The following CTNNA3 variants were observed in gnomAD, a reference collection of about 807,000 sequenced individuals.
CTNNA3 encodes the protein catenin alpha-3.
CTNNA3 carries 76 observed loss-of-function variants against 95.7 expected under a neutral mutation model. The ratio of observed to expected loss-of-function variants is 0.79; its 90% CI spans 0.66 to 0.96. CTNNA3 has a LOEUF of 0.96. CTNNA3 is among the 40% of genes least tolerant of loss of function. The pLI is 0.00. For missense variants in CTNNA3, 1,191 were observed against 1,089.8 expected (o/e 1.09, Z -1.31); for synonymous variants, 431 against 374.4 (o/e 1.15, Z -1.74).
intron 3 of CTNNA3, among the ~76,000 whole-genome samples, chr10:67,584,625 G>C (rs1009695264): frequency 6.6e-6 from 1 of 152,346 alleles, no homozygotes; most frequent in South Asian, 2.1e-4. Flanking sequence ...GTCTGCAGAA[G>C]TTTCTGCTGC....
At chr10:66,464,057 T>C (rs1240276067) in intron 11 of CTNNA3, among the ~76,000 whole-genome samples, 1 of 152,142 alleles carries the variant, frequency 6.6e-6, no homozygotes, top group Non-Finnish European at 1.5e-5. Context: ...ATTAAATGAC[T>C]TTATTAATAT....
At chr10:67,296,581 G>A (rs2132482957) in intron 5 of CTNNA3, among the ~76,000 whole-genome samples, 1 of 152,264 alleles carries the variant, frequency 6.6e-6, no homozygotes, top group East Asian at 1.9e-4. Context: ...AGGTTGAAAG[G>A]GGTTTAATGC....
At chr10:67,105,614 G>A (rs1219051333) in intron 7 of CTNNA3, among the ~76,000 whole-genome samples, 1 of 152,124 alleles carries the variant, frequency 6.6e-6, no homozygotes, top group Admixed American at 6.6e-5. Flanking sequence ...TGAAAATGTG[G>A]TGAAAGATTG....
chr10:66,198,081 A>T (rs532967452), intron 13 of CTNNA3, among the ~76,000 whole-genome samples: 1 of 152,266 alleles, frequency 6.6e-6, no homozygotes, highest in East Asian at 1.9e-4. Flanking sequence ...TCTTCTGAGG[A>T]TTGAGAAAGC....
chr10:66,398,835 A>G lies in CTNNA3; in HGVS notation c.1532-19483T>C, dbSNP rs147022310. Among the ~76,000 whole-genome samples the G allele has an allele frequency of 2.1e-4, 32 of 152,160 alleles. 1 individual carries two copies. The East Asian group carries it at 4.6e-3, about 22-fold the overall frequency. ...AGTTCTAAACCTCCACTGTCAGACC[A>G]TCTAATCAAACCATCTTGCACAAAT... On this transcript the variant is annotated intron_variant, in intron 11 of 17. Coordinates refer to ENST00000433211, the MANE Select transcript of CTNNA3 (RefSeq NM_013266.4).
chr10:66,762,741 C>T (rs995604840), intron 9 of CTNNA3, among the ~76,000 whole-genome samples: 3 of 151,962 alleles, frequency 2.0e-5, no homozygotes, highest in East Asian at 3.9e-4. Context: ...TCATTTTCTG[C>T]TTTGTGTTTA....
At chr10:66,500,892 T>A (rs899155569) in intron 11 of CTNNA3, among the ~76,000 whole-genome samples, 2 of 152,092 alleles carry the variant, frequency 1.3e-5, no homozygotes, top group Admixed American at 6.5e-5. Flanking sequence ...TTAATATTTA[T>A]AATTAAGACA....
chr10:66,007,668 T>C (rs973156308), intron 15 of CTNNA3, among the ~76,000 whole-genome samples: 4 of 141,082 alleles, frequency 2.8e-5, no homozygotes, highest in Admixed American at 1.5e-4. Flanking sequence ...CTCATATTGG[T>C]GTCATTCTGA....
chr10:65,961,876 G>A (rs947991598), intron 17 of CTNNA3, among the ~76,000 whole-genome samples: 1 of 151,958 alleles, frequency 6.6e-6, no homozygotes. Flanking sequence ...GTCATTGTTA[G>A]AGCCGTATAA....
At chr10:67,739,876 C>G (rs1218353286) in intron 1 of CTNNA3, among the ~76,000 whole-genome samples, 1 of 152,132 alleles carries the variant, frequency 6.6e-6, no homozygotes, top group Non-Finnish European at 1.5e-5. Context: ...AAGAACAAAG[C>G]TGGAGGCATC....
chr10:66,678,024 T>G (rs1339554598), intron 9 of CTNNA3, among the ~76,000 whole-genome samples: 1 of 152,144 alleles, frequency 6.6e-6, no homozygotes, highest in Non-Finnish European at 1.5e-5. Context: ...CCATACAATC[T>G]CACTTGCCAT....
At chr10:65,936,155 A>G (rs1214449548) in intron 17 of CTNNA3, among the ~76,000 whole-genome samples, 3 of 152,164 alleles carry the variant, frequency 2.0e-5, no homozygotes, top group Admixed American at 6.5e-5. Context: ...TTACAATTGG[A>G]CTTAGAAGAC....
At chr10:66,787,404 A>G (rs1363664970) in intron 7 of CTNNA3, among the ~76,000 whole-genome samples, 1 of 152,134 alleles carries the variant, frequency 6.6e-6, no homozygotes, top group Admixed American at 6.5e-5. Flanking sequence ...CTGTCTGGGT[A>G]GCACAACTTA....
chr10:66,445,462 TAACA>T (rs2093412892), intron 11 of CTNNA3, among the ~76,000 whole-genome samples: 1 of 152,058 alleles, frequency 6.6e-6, no homozygotes, highest in Non-Finnish European at 1.5e-5. Flanking sequence ...ACAGAAATTA[TAACA>T]AACTGTCTCT....
chr10:66,310,097 G>A (rs897218146), intron 12 of CTNNA3, among the ~76,000 whole-genome samples: 7 of 150,636 alleles, frequency 4.6e-5, no homozygotes, highest in Admixed American at 1.3e-4. Flanking sequence ...CAGCCTGGGC[G>A]ACAGGGTGAG....
intron 7 of CTNNA3, among the ~76,000 whole-genome samples, chr10:67,161,892 G>T (rs2132090876): frequency 6.6e-6 from 1 of 152,152 alleles, no homozygotes; most frequent in Admixed American, 6.5e-5. Flanking sequence ...TTAATATCCA[G>T]TAAAGAAGAC....
intron 5 of CTNNA3, among the ~76,000 whole-genome samples, chr10:67,295,830 T>G (rs1201996099): frequency 6.6e-6 from 1 of 152,248 alleles, no homozygotes; most frequent in Non-Finnish European, 1.5e-5. Context: ...TTTTATTCTG[T>G]TAAATCTTGT....
chr10:66,225,199 C>T (rs1397193748), intron 13 of CTNNA3, among the ~76,000 whole-genome samples: 1 of 151,570 alleles, frequency 6.6e-6, no homozygotes, highest in African/African-American at 2.4e-5. Flanking sequence ...TCCTTTCCTC[C>T]CTCCTACCAA....
intron 11 of CTNNA3, among the ~76,000 whole-genome samples, chr10:66,486,818 TACAC>T (rs373131708): frequency 0.016 from 2,307 of 140,864 alleles, 45 homozygotes; most frequent in African/African-American, 0.055. Context: ...GATGAACAAA[TACAC>T]ACACACACAC....
Sources: allele counts gnomAD v4.1 joint callset (sites outside exome capture counted in the v4.1 genomes callset), GRCh38; gene constraint gnomAD v4.1.1; transcripts MANE v1.5; gene names NCBI Gene and HGNC (gene_info 2026-07-23, HGNC 2026-07-21).